INSC: variants seen among roughly 807,000 people sequenced by gnomAD.
INSC encodes INSC spindle orientation adaptor protein.
INSC carries 67 observed loss-of-function variants against 58.6 expected under a neutral mutation model. That is an observed-to-expected ratio of 1.14 (90% CI 0.94 to 1.40). INSC has a LOEUF of 1.40. INSC is among the 40% of genes most tolerant of loss of function. The pLI, the probability that INSC is intolerant of heterozygous loss-of-function variation, is 0.00. For synonymous variants in INSC, 262 were observed against 276.1 expected, an observed-to-expected ratio of 0.95 and a Z score of 0.51; for missense variants, 714 against 692.0, an observed-to-expected ratio of 1.03 and a Z score of -0.36.
chr11:15,165,517 T>C (rs1383979462), intron 2 of INSC, among the ~76,000 whole-genome samples: 2 of 152,198 alleles, frequency 1.3e-5, no homozygotes, highest in African/African-American at 4.8e-5. Flanking sequence ...AGCTAGCCAG[T>C]GGCAGAGCTG....
At chr11:15,125,311 C>G (rs2133693838) in intron 1 of INSC, among the ~76,000 whole-genome samples, 1 of 152,212 alleles carries the variant, frequency 6.6e-6, no homozygotes, top group Non-Finnish European at 1.5e-5. Context: ...GAGTTGAGAT[C>G]AATGCAATAA....
chr11:15,124,484 G>A (rs925164696), intron 1 of INSC, among the ~76,000 whole-genome samples: 1 of 152,180 alleles, frequency 6.6e-6, no homozygotes, highest in African/African-American at 2.4e-5. Flanking sequence ...TGGCCTTAAG[G>A]GGAAATAGGA....
At chr11:15,143,320 T>C (rs1026572679) in intron 1 of INSC, among the ~76,000 whole-genome samples, 8 of 152,182 alleles carry the variant, frequency 5.3e-5, no homozygotes, top group African/African-American at 1.4e-4. Context: ...GAAGCTGCCC[T>C]GAGGAAGTGG....
At chr11:15,130,838 T>C (rs958254478) in intron 1 of INSC, among the ~76,000 whole-genome samples, 29 of 152,172 alleles carry the variant, frequency 1.9e-4, no homozygotes, top group African/African-American at 7.0e-4. Context: ...TTGCATAATA[T>C]TCTCTTATCT....
intron 6 of INSC, among the ~76,000 whole-genome samples, chr11:15,196,909 C>A (rs552683745): frequency 6.6e-6 from 1 of 152,134 alleles, no homozygotes; most frequent in Non-Finnish European, 1.5e-5. Flanking sequence ...GCAAAGGCTA[C>A]GTGCCTGGTT....
At chr11:15,167,043 A>AT (rs5789863) in intron 2 of INSC, among the ~76,000 whole-genome samples, 21 of 151,560 alleles carry the variant, frequency 1.4e-4, no homozygotes, top group Admixed American at 7.9e-4. Flanking sequence ...TTACTGGTGG[A>AT]TTTTTTTTTA....
rs1213613801 is a variant in INSC at position 15,240,500 on chromosome 11, G to T, written c.1447G>T (p.Asp483Tyr). 6.2e-7 allele frequency: 1 copy of T among 1,613,842 alleles called. No homozygotes were observed. Among genetic ancestry groups the T allele is most frequent in the Non-Finnish European group, 8.5e-7 (1 of 1,179,938 alleles). ...CRSPSERNSS[D>Y]AVLVACLAAL... Reference sequence around the variant, plus strand: ...ATCCCCATCAGAGAGGAACAGCAGTGACGCCGTGCTTGTGGCCTGCCTGGT... The same window carrying T: ...ATCCCCATCAGAGAGGAACAGCAGTTACGCCGTGCTTGTGGCCTGCCTGGT... The change falls in exon 12 of 13, where the codon GAC becomes TAC. Residue 483 changes from aspartate to tyrosine, a missense_variant. Physicochemically the swap from Asp to Tyr is radical, Grantham distance 160 (BLOSUM62 -3). Transcript: ENST00000379556.
intron 1 of INSC, among the ~76,000 whole-genome samples, chr11:15,138,998 A>T (rs750633996): frequency 3.9e-5 from 6 of 152,232 alleles, no homozygotes; most frequent in Non-Finnish European, 5.9e-5. Flanking sequence ...TTGGATTATC[A>T]TGGTTGTTGA....
In INSC at chr11:15,178,446, A is replaced by G; in HGVS notation, c.578A>G (p.Gln193Arg). 1 of 1,609,250 alleles carries G rather than the reference A, an allele frequency of 6.2e-7. No individual in the cohort carries two copies. The highest frequency in any genetic ancestry group is 1.1e-5 in the South Asian group (1 of 91,060). The change falls in exon 5 of 13, where the codon CAG (glutamine) becomes CGG (arginine). Residue 193 changes from glutamine (Q) to arginine (R), a missense_variant and splice_region_variant. Gln to Arg is a conservative substitution (Grantham distance 43). Coordinates refer to ENST00000379556, the MANE Select transcript of INSC (RefSeq NM_001042536.3). ...GAGCTGGCCCTGACACGGGAGGTTC[A>G]GGTCAGTGCAGGCTGGGCTGCAGGG... is the stretch of plus-strand genomic sequence containing the variant. The part of the protein sequence containing the change: ...LLELALTREV[Q>R]ALVRKIDASD...
chr11:15,235,499 G>C (rs185209513), intron 9 of INSC, 103 bp from the exon 10 acceptor site: 20 of 859,658 alleles, frequency 2.3e-5, no homozygotes, highest in Admixed American at 6.9e-5. Context: ...AAGGAGTCAC[G>C]GGATAAAAGG....
chr11:15,267,710 A>G, the INSC span, among the ~76,000 whole-genome samples: 2 of 151,886 alleles, frequency 1.3e-5, no homozygotes, highest in Admixed American at 1.3e-4. Context: ...TTCTATGCTA[A>G]TTCAATCTTC....
chr11:15,208,372 G>A (rs1308331084), intron 7 of INSC, among the ~76,000 whole-genome samples: 1 of 152,184 alleles, frequency 6.6e-6, no homozygotes, highest in Non-Finnish European at 1.5e-5. Flanking sequence ...TGGCTGACAG[G>A]CAGAAAGGAA....
Position 15,178,335 on chromosome 11 carries a change from T to C in INSC, c.467T>C (p.Val156Ala). ...TTTCTTCTCTTCAGGTGCCTTCAGG[T>C]TGAGAATGAGCATGTCCTGAAGTCA... ...LSAVTERCLQ[V>A]ENEHVLKSMK... The change falls in exon 5 of 13, where the codon GTT (valine) becomes GCT (alanine). Residue 156 changes from valine (V) to alanine (A), a missense_variant. Physicochemically the swap from Val to Ala is moderately conservative, Grantham distance 64. Coordinates refer to ENST00000379556, the MANE Select transcript of INSC (RefSeq NM_001042536.3). 6.2e-7 allele frequency: 1 copy of C among 1,613,856 alleles called. No homozygotes were observed. The highest frequency in any genetic ancestry group is 8.5e-7 in the Non-Finnish European group (1 of 1,179,998).
chr11:15,139,496 A>G (rs1172055518), intron 1 of INSC, among the ~76,000 whole-genome samples: 1 of 152,212 alleles, frequency 6.6e-6, no homozygotes, highest in South Asian at 2.1e-4. Flanking sequence ...GTTGGAGCTG[A>G]GGAGGCAACA....
chr11:15,178,231 G>A, intron 4 of INSC, 93 bp from the exon 5 acceptor site: 10 of 1,528,418 alleles, frequency 6.5e-6, no homozygotes, highest in Non-Finnish European at 8.9e-6. Context: ...GCACACACCA[G>A]GCTTGTAGCA....
intron 7 of INSC, among the ~76,000 whole-genome samples, chr11:15,206,757 G>A (rs756376313): frequency 2.0e-4 from 30 of 152,220 alleles, no homozygotes; most frequent in Non-Finnish European, 3.8e-4. Flanking sequence ...TTCATCTTCT[G>A]TAAAATGGGA....
intron 5 of INSC, among the ~76,000 whole-genome samples, chr11:15,180,362 A>G (rs1849727004): frequency 6.6e-6 from 1 of 152,170 alleles, no homozygotes; most frequent in African/African-American, 2.4e-5. Context: ...ATTAGTCATC[A>G]GTGCTTTCTA....
intron 9 of INSC, among the ~76,000 whole-genome samples, chr11:15,234,243 T>A (rs552834113): frequency 8.5e-5 from 13 of 152,310 alleles, no homozygotes; most frequent in Middle Eastern, 3.4e-3. Context: ...GGGTCTGAGC[T>A]GGGAGGGGTT....
chr11:15,142,807 GT>G (rs532681151), intron 1 of INSC, among the ~76,000 whole-genome samples: 1 of 149,696 alleles, frequency 6.7e-6, no homozygotes, highest in Non-Finnish European at 1.5e-5. Flanking sequence ...TTTTTTTTTT[GT>G]TTTTTTGTAT....
Sources: allele counts gnomAD v4.1 joint callset (sites outside exome capture counted in the v4.1 genomes callset), GRCh38; gene constraint gnomAD v4.1.1; transcripts MANE v1.5; gene names NCBI Gene and HGNC (gene_info 2026-07-23, HGNC 2026-07-21).